FAHD1: variants seen among roughly 807,000 people sequenced by gnomAD.
FAHD1 encodes oxaloacetate tautomerase FAHD1, mitochondrial.
FAHD1 carries 14 observed loss-of-function variants against 12.7 expected under a neutral mutation model. That is an observed-to-expected ratio of 1.10 (90% CI 0.73 to 1.72). The LOEUF (loss-of-function observed/expected upper bound fraction) is 1.72, where lower values mean the gene tolerates loss of function less well. Among genes scored for constraint, FAHD1 ranks in the 40% most tolerant of loss-of-function variants. The pLI is 0.00. For missense variants in FAHD1, 351 were observed against 298.9 expected (o/e 1.17, Z -1.29); for synonymous variants, 153 against 124.9 (o/e 1.22, Z -1.50).
intron 1 of FAHD1, chr16:1,834,297 T>C (rs1898679931): frequency 6.2e-7 from 1 of 1,612,914 alleles, no homozygotes; most frequent in Non-Finnish European, 8.5e-7. Context: ...CTTGCCTCAG[T>C]AGGATCTGCA....
chr16:1,837,159 C>A (rs1323683043), intron 1 of FAHD1, among the ~76,000 whole-genome samples: 3 of 152,108 alleles, frequency 2.0e-5, no homozygotes, highest in African/African-American at 7.2e-5. Context: ...AACTGTGGCC[C>A]TTCAGGGTTG....
downstream of FAHD1, among the ~76,000 whole-genome samples, chr16:1,830,574 C>T (rs1474961325): frequency 6.6e-6 from 1 of 152,180 alleles, no homozygotes; most frequent in Non-Finnish European, 1.5e-5. Context: ...GTGTTCACCA[C>T]AGTGGTAGAA....
chr16:1,839,612 A>G, exon 3 of FAHD1: 1 of 575,494 alleles, frequency 1.7e-6, no homozygotes, highest in South Asian at 2.5e-5. Context: ...CACACTTTCT[A>G]CGCAGCCATT....
At chr16:1,829,934 G>GTGGCATGAGATT (rs1898592456), downstream of FAHD1, among the ~76,000 whole-genome samples, 1 of 151,260 alleles carries the variant, frequency 6.6e-6, no homozygotes, top group African/African-American at 2.4e-5. Context: ...CACAATCTCG[G>GTGGCATGAGATT]CTCACTGCAA....
rs1201955376 is a variant in FAHD1 at position 1,835,148 on chromosome 16, G to A, written c.628-2868G>A. ...TGCACACCTGTGGTCCCAGCTACTC[G>A]GTGGCTGAGGCGGGAGGATCACTTG... is the stretch of plus-strand genomic sequence containing the variant. On this transcript the variant is annotated intron_variant, in intron 1 of 2. Transcript: ENST00000382666. 5.3e-5 allele frequency among the ~76,000 whole-genome samples: 8 copies of A among 152,186 alleles called. 1 individual carries two copies. Among genetic ancestry groups the A allele is most frequent in the South Asian group, 4.2e-4 (2 of 4,818 alleles).
rs762235061 is a variant in FAHD1, at chr16:1,827,373, G to A, written c.135G>A (p.Pro45=). 4.3e-6 allele frequency: 7 copies of A among 1,612,654 alleles called. No homozygotes were observed. In the East Asian group the frequency reaches 1.1e-4, roughly 26 times the overall value. The change falls in exon 1 of 1, where the codon CCG becomes CCA. Residue 45 remains proline, a synonymous_variant. Transcript: ENST00000427358. ...GCGAGCCCGTGCTGTTCCTGAAGCCGTCCACGGCCTACGCGCCCGAGGGCT... is the reference window on the plus strand; with the variant it reads ...GCGAGCCCGTGCTGTTCCTGAAGCCATCCACGGCCTACGCGCCCGAGGGCT...
intron 1 of FAHD1, chr16:1,837,997 C>A: frequency 6.9e-7 from 1 of 1,443,514 alleles, no homozygotes; most frequent in South Asian, 1.5e-5. Context: ...ACAGCTCAAT[C>A]GTTTGTTTTT....
At chr16:1,836,250 G>A (rs1235520181) in intron 1 of FAHD1, among the ~76,000 whole-genome samples, 4 of 152,132 alleles carry the variant, frequency 2.6e-5, no homozygotes, top group South Asian at 2.1e-4. Flanking sequence ...CCTAATGCAC[G>A]AAGCAGCTTG....
downstream of FAHD1, among the ~76,000 whole-genome samples, chr16:1,830,944 A>ACACACACACCCCACCCACC (rs57025691): frequency 8.8e-3 from 1,292 of 147,254 alleles, 12 homozygotes; most frequent in South Asian, 0.014. Context: ...ACACACACAC[A>ACACACACACCCCACCCACC]CCCATATTTT....
At chr16:1,835,716 C>T (rs1898726274) in intron 1 of FAHD1, among the ~76,000 whole-genome samples, 1 of 152,188 alleles carries the variant, frequency 6.6e-6, no homozygotes, top group South Asian at 2.1e-4. Context: ...ATTCGAATGA[C>T]CCTGCTCATG....
At chr16:1,839,176 A>T in intron 2 of FAHD1, 5 of 1,434,594 alleles carry the variant, frequency 3.5e-6, no homozygotes, top group Non-Finnish European at 4.6e-6. Flanking sequence ...CAAATGTTTG[A>T]CAAAACAACC....
intron 1 of FAHD1, among the ~76,000 whole-genome samples, chr16:1,836,198 G>T (rs868534698): frequency 6.6e-6 from 1 of 151,990 alleles, no homozygotes; most frequent in Non-Finnish European, 1.5e-5. Flanking sequence ...TTGGATTTTG[G>T]TTTTGGATTT....
At chr16:1,834,367 C>G (rs1226833715) in intron 1 of FAHD1, 2 of 1,535,968 alleles carry the variant, frequency 1.3e-6, no homozygotes, top group Non-Finnish European at 1.8e-6. Flanking sequence ...ATAGAACGAA[C>G]TGCGAGGAGA....
chr16:1,839,094 T>C (rs1179270303), intron 2 of FAHD1, among the ~76,000 whole-genome samples: 3 of 152,242 alleles, frequency 2.0e-5, no homozygotes, highest in African/African-American at 4.8e-5. Flanking sequence ...GTAACATTTG[T>C]TCATCAAAGC....
chr16:1,831,630 T>C (rs1428212334), downstream of FAHD1, among the ~76,000 whole-genome samples: 1 of 152,142 alleles, frequency 6.6e-6, no homozygotes, highest in African/African-American at 2.4e-5. Flanking sequence ...AGGGGCATCC[T>C]CCATATACTC....
chr16:1,837,892 G>A, intron 1 of FAHD1: 1 of 1,479,584 alleles, frequency 6.8e-7, no homozygotes, highest in Non-Finnish European at 9.0e-7. Context: ...AAAAATATGA[G>A]ACAAATATAT....
intron 2 of FAHD1, among the ~76,000 whole-genome samples, chr16:1,838,971 C>T (rs1432772751): frequency 5.3e-5 from 8 of 152,162 alleles, no homozygotes; most frequent in Admixed American, 5.2e-4. Flanking sequence ...AGATTACAGG[C>T]GTGAGCCACG....
intron 1 of FAHD1, among the ~76,000 whole-genome samples, chr16:1,837,006 G>A (rs1031748363): frequency 6.6e-6 from 1 of 152,122 alleles, no homozygotes; most frequent in Non-Finnish European, 1.5e-5. Flanking sequence ...AGTCTCACCT[G>A]TGACCCAGTG....
chr16:1,834,520 G>T (rs551876154), intron 1 of FAHD1, among the ~76,000 whole-genome samples: 1 of 152,362 alleles, frequency 6.6e-6, no homozygotes, highest in Admixed American at 6.5e-5. Flanking sequence ...TAAGATGATG[G>T]GAAGAGTTCC....
Sources: allele counts gnomAD v4.1 joint callset (sites outside exome capture counted in the v4.1 genomes callset), GRCh38; gene constraint gnomAD v4.1.1; transcripts MANE v1.5; gene names NCBI Gene and HGNC (gene_info 2026-07-23, HGNC 2026-07-21).